Variants in GABRA1 observed in about 807,000 individuals in gnomAD.
GABRA1 encodes the protein gamma-aminobutyric acid receptor subunit alpha-1.
GABRA1 carries 9 observed loss-of-function variants against 48.9 expected under a neutral mutation model. The observed-to-expected ratio is 0.18, with a 90% CI of 0.11 to 0.32. The LOEUF (loss-of-function observed/expected upper bound fraction) is 0.32. Among genes scored for constraint, GABRA1 ranks in the 10% least tolerant of loss-of-function variants. GABRA1 has a pLI of 1.00. For missense variants in GABRA1, 285 were observed against 553.8 expected, an observed-to-expected ratio of 0.51 and a Z score of 4.87; for synonymous variants, 210 against 198.7, an observed-to-expected ratio of 1.06 and a Z score of -0.48.
At chr5:161,876,406 C>A (rs1754356125) in intron 6 of GABRA1, among the ~76,000 whole-genome samples, 1 of 152,086 alleles carries the variant, frequency 6.6e-6, no homozygotes, top group Non-Finnish European at 1.5e-5. Flanking sequence ...TGGTTTCCTG[C>A]AGGGGAGTTA....
At chr5:161,893,034 A>AATT (rs1755183409) in intron 8 of GABRA1, among the ~76,000 whole-genome samples, 1 of 141,186 alleles carries the variant, frequency 7.1e-6, no homozygotes, top group Non-Finnish European at 1.5e-5. Context: ...TAATAATAAT[A>AATT]ATAATAATAA....
chr5:161,851,079 A>T lies in GABRA1; in HGVS notation c.74+195A>T, dbSNP rs763196002. Among the ~76,000 whole-genome samples, 9 of 152,330 alleles carry T rather than the reference A, an allele frequency of 5.9e-5. No individual in the cohort carries two copies. The East Asian group carries it at 1.7e-3, about 29-fold the overall frequency. ...ATGTTTGCACGTTAGTTAGAATACA[A>T]TTAACAAGCCATTGTTAAGACATGT... On this transcript the variant is annotated intron_variant, in intron 2 of 9. Transcript: ENST00000393943.
At position 161,861,717 on chromosome 5, in the gene GABRA1, C is replaced by A. The variant is rs560627735; in HGVS notation, c.188-4004C>A. Among the ~76,000 whole-genome samples, 42 of 151,996 alleles carry A rather than the reference C, an allele frequency of 2.8e-4. 1 individual carries two copies. Among genetic ancestry groups the A allele is most frequent in the African/African-American group, 7.2e-4 (30 of 41,534 alleles). On this transcript the variant is annotated intron_variant, in intron 3 of 9. Transcript: ENST00000393943. Reference sequence around the variant, plus strand: ...CAGGGGACAAAAATGTTGCTCCAATCAATCAGGTCAGCAGGGAGCTGGAAC... The same window carrying A: ...CAGGGGACAAAAATGTTGCTCCAATAAATCAGGTCAGCAGGGAGCTGGAAC...
rs1755451986 is a variant in GABRA1 at position 161,898,014 on chromosome 5, AT to A, written c.*596del. On this transcript the variant is annotated 3_prime_UTR_variant, in exon 10 of 10. Coordinates refer to ENST00000393943, the MANE Select transcript of GABRA1 (RefSeq NM_001127644.2). Reference sequence around the variant, plus strand: ...GAAAAAAAAAAAGGCCTAATGCATTATTTTGTCATAAAATGCTATTTTAAAA... The same window carrying A: ...GAAAAAAAAAAAGGCCTAATGCATTATTTGTCATAAAATGCTATTTTAAAA... 1 of 151,426 alleles carries A rather than the reference AT, an allele frequency of 6.6e-6. No homozygotes were observed. The highest frequency in any genetic ancestry group is 2.1e-4 in the South Asian group (1 of 4,816). The allele number at this position is 151,426 out of a possible 1,614,324, so 9.4% of individuals were successfully genotyped here.
chr5:161,851,795 TGACA>T (rs1169875772), intron 2 of GABRA1, among the ~76,000 whole-genome samples: 2 of 152,190 alleles, frequency 1.3e-5, no homozygotes, highest in African/African-American at 4.8e-5. Context: ...TGGTAAACAC[TGACA>T]GACAGGCATT....
chr5:161,850,832 T>A lies in GABRA1; in HGVS notation c.22T>A (p.Ser8Thr), dbSNP rs1187284959. Residue 8 changes from serine (S) to threonine (T), a missense_variant, in exon 2 of 10, where the codon TCT (serine) becomes ACT (threonine). By Grantham distance (58) the Ser-to-Thr change is moderately conservative. Coordinates refer to ENST00000393943, the MANE Select transcript of GABRA1 (RefSeq NM_001127644.2). MRKSPGL[S>T]DCLWAWILLL... ...CGCGATGAGGAAAAGTCCAGGTCTG[T>A]CTGACTGTCTTTGGGCCTGGATCCT... 6.2e-7 allele frequency: 1 copy of A among 1,614,120 alleles called. No individual in the cohort carries two copies. Among genetic ancestry groups the A allele is most frequent in the Admixed American group, 1.7e-5 (1 of 60,014 alleles).
At chr5:161,870,223 T>C (rs1354440909) in intron 4 of GABRA1, among the ~76,000 whole-genome samples, 2 of 152,156 alleles carry the variant, frequency 1.3e-5, no homozygotes, top group Non-Finnish European at 1.5e-5. Context: ...ATAGTCATTA[T>C]GCTATAGTTC....
At chr5:161,897,054 T>C in intron 9 of GABRA1, 57 bp from the exon 10 acceptor site, 1 of 1,548,696 alleles carries the variant, frequency 6.5e-7, no homozygotes, top group Non-Finnish European at 8.9e-7. Context: ...CTCAGCAACT[T>C]ATAATTTTGC....
chr5:161,871,638 C>T (rs764688216), intron 4 of GABRA1, among the ~76,000 whole-genome samples: 2 of 152,154 alleles, frequency 1.3e-5, no homozygotes, highest in Non-Finnish European at 2.9e-5. Context: ...CTTAAACAGT[C>T]CCTCCTTTGC....
chr5:161,849,556 A>G (rs981924587), intron 1 of GABRA1, among the ~76,000 whole-genome samples: 3 of 152,186 alleles, frequency 2.0e-5, no homozygotes, highest in African/African-American at 7.2e-5. Flanking sequence ...GCCTGTTTGT[A>G]ATGGTTTTTA....
At chr5:161,856,892 G>T (rs1030467517) in intron 3 of GABRA1, among the ~76,000 whole-genome samples, 2 of 151,098 alleles carry the variant, frequency 1.3e-5, no homozygotes, top group African/African-American at 4.8e-5. Flanking sequence ...TACCATGATA[G>T]CTGGCTGCTA....
At chr5:161,863,739 T>G (rs1427113290) in intron 3 of GABRA1, among the ~76,000 whole-genome samples, 3 of 151,864 alleles carry the variant, frequency 2.0e-5, no homozygotes, top group African/African-American at 7.3e-5. Context: ...TTTTTAAACT[T>G]ATATTTTGAA....
chr5:161,860,893 T>C (rs1018085962), intron 3 of GABRA1, among the ~76,000 whole-genome samples: 6 of 151,936 alleles, frequency 3.9e-5, no homozygotes, highest in Admixed American at 1.3e-4. Context: ...TTGACCTTTT[T>C]ATATAGTTTC....
chr5:161,853,578 G>A (rs1439557175), intron 2 of GABRA1: 2 of 151,764 alleles, frequency 1.3e-5, no homozygotes, highest in Non-Finnish European at 2.9e-5. Context: ...TAATCATTGG[G>A]TCATGAATCT....
At chr5:161,871,842 T>G (rs1373292477) in intron 4 of GABRA1, among the ~76,000 whole-genome samples, 1 of 152,168 alleles carries the variant, frequency 6.6e-6, no homozygotes, top group African/African-American at 2.4e-5. Context: ...ATTAGTACTA[T>G]ATCTGGTGCA....
intron 3 of GABRA1, among the ~76,000 whole-genome samples, chr5:161,855,917 A>G (rs1416254721): frequency 6.6e-6 from 1 of 151,388 alleles, no homozygotes; most frequent in Non-Finnish European, 1.5e-5. Flanking sequence ...GCATGTAAAT[A>G]TGAGTATTAT....
rs1754843197 is a variant in GABRA1 at position 161,886,296 on chromosome 5, G to A, written c.703+3595G>A. ...TTATACTACAAAGATTTCAATGCTGGTTTTGCAACTTATTTACTGTGTGAC... is the reference window on the plus strand; with the variant it reads ...TTATACTACAAAGATTTCAATGCTGATTTTGCAACTTATTTACTGTGTGAC... On this transcript the variant is annotated intron_variant, in intron 7 of 9. Coordinates refer to ENST00000393943, the MANE Select transcript of GABRA1 (RefSeq NM_001127644.2). Among the ~76,000 whole-genome samples the A allele has an allele frequency of 2.0e-5, 3 of 151,646 alleles. No individual in the cohort carries two copies. The South Asian group carries it at 6.3e-4, about 32-fold the overall frequency.
intron 6 of GABRA1, among the ~76,000 whole-genome samples, chr5:161,879,639 C>A (rs999088214): frequency 6.6e-6 from 1 of 152,120 alleles, no homozygotes; most frequent in Non-Finnish European, 1.5e-5. Context: ...TCTGTATTCT[C>A]CATCTTAAAA....
At chr5:161,880,694 A>G (rs1432257755) in intron 6 of GABRA1, among the ~76,000 whole-genome samples, 2 of 152,226 alleles carry the variant, frequency 1.3e-5, no homozygotes, top group Admixed American at 6.5e-5. Flanking sequence ...CCCTTATAAA[A>G]TCAGGGAACA....
Sources: allele counts gnomAD v4.1 joint callset (sites outside exome capture counted in the v4.1 genomes callset), GRCh38; gene constraint gnomAD v4.1.1; transcripts MANE v1.5; gene names NCBI Gene and HGNC (gene_info 2026-07-23, HGNC 2026-07-21).